The following RBPMS variants were observed in gnomAD, a reference collection of about 807,000 sequenced individuals.
RBPMS encodes RNA-binding protein with multiple splicing.
Under a neutral mutation model 26.8 loss-of-function variants are expected in RBPMS, and 7 were observed. The ratio of observed to expected loss-of-function variants is 0.26; its 90% CI spans 0.15 to 0.49. The LOEUF is 0.49. RBPMS is among the 20% of genes least tolerant of loss of function. RBPMS has a pLI of 0.98. For synonymous variants in RBPMS, 96 were observed against 93.3 expected, an observed-to-expected ratio of 1.03 and a Z score of -0.17; for missense variants, 186 against 250.0, an observed-to-expected ratio of 0.74 and a Z score of 1.73.
chr8:30,432,151 T>A (rs2979471), intron 1 of RBPMS, among the ~76,000 whole-genome samples: 62,304 of 151,938 alleles, frequency 0.41, 14,583 homozygotes, highest in African/African-American at 0.64. Flanking sequence ...ACAAATTTTA[T>A]TTTGACATTT....
chr8:30,385,421 G>T, intron 1 of RBPMS: 1 of 335,508 alleles, frequency 3.0e-6, no homozygotes, highest in Non-Finnish European at 5.4e-6. Flanking sequence ...TGTTTGCCCG[G>T]GATTTATAAG....
chr8:30,478,607 C>T (rs1273242680), intron 3 of RBPMS, among the ~76,000 whole-genome samples: 5 of 151,230 alleles, frequency 3.3e-5, no homozygotes, highest in African/African-American at 1.2e-4. Flanking sequence ...TCAAGTGATT[C>T]TCCTGCCTCA....
intron 1 of RBPMS, among the ~76,000 whole-genome samples, chr8:30,455,255 G>A (rs1815065501): frequency 6.6e-6 from 1 of 152,186 alleles, no homozygotes; most frequent in Admixed American, 6.5e-5. Flanking sequence ...ATACTACCCA[G>A]TTAGGGCTTT....
intron 6 of RBPMS, chr8:30,547,275 T>A (rs78195467): frequency 7.2e-7 from 1 of 1,388,084 alleles, no homozygotes; most frequent in Non-Finnish European, 1.0e-6. Flanking sequence ...GAGACATGGA[T>A]TTTTTTTTTC....
intron 6 of RBPMS, chr8:30,545,178 A>G (rs1328926811): frequency 7.7e-7 from 1 of 1,296,694 alleles, no homozygotes; most frequent in Non-Finnish European, 1.0e-6. Flanking sequence ...CCCTGTAGAA[A>G]AGGAGATACA....
chr8:30,549,620 A>G, intron 6 of RBPMS: 1 of 1,542,576 alleles, frequency 6.5e-7, no homozygotes, highest in Non-Finnish European at 9.0e-7. Flanking sequence ...CTTAGCTCTC[A>G]CAGGAGGAGG....
intron 6 of RBPMS, chr8:30,556,617 C>T: frequency 1.0e-6 from 1 of 986,310 alleles, no homozygotes; most frequent in Non-Finnish European, 1.2e-6. Context: ...TCCACACTGA[C>T]CCAGTGCACA....
intron 6 of RBPMS, among the ~76,000 whole-genome samples, chr8:30,549,835 CTTT>C (rs1826204858): frequency 8.9e-6 from 1 of 112,716 alleles, no homozygotes; most frequent in African/African-American, 3.6e-5. Flanking sequence ...TCTTTTCTTT[CTTT>C]TCTTTCTTTT....
At chr8:30,385,509 A>C in intron 1 of RBPMS, 1 of 194,626 alleles carries the variant, frequency 5.1e-6, no homozygotes, top group East Asian at 1.2e-4. Flanking sequence ...GGGGCTGGAA[A>C]TTGTGTATGG....
At chr8:30,514,680 CTTTT>C (rs577244764) in intron 5 of RBPMS, among the ~76,000 whole-genome samples, 7 of 82,650 alleles carry the variant, frequency 8.5e-5, no homozygotes, top group African/African-American at 2.6e-4. Flanking sequence ...CCATGCCGGG[CTTTT>C]TTTTTTTTTT....
chr8:30,566,119 A>G (rs1295248711), intron 7 of RBPMS, 138 bp from the exon 8 acceptor site: 1 of 220,292 alleles, frequency 4.5e-6, no homozygotes, highest in Non-Finnish European at 7.7e-6. Context: ...TCCTCAGCTC[A>G]GCAGCAGAGG....
At chr8:30,437,249 G>T (rs1038511661) in intron 1 of RBPMS, among the ~76,000 whole-genome samples, 1 of 151,636 alleles carries the variant, frequency 6.6e-6, no homozygotes, top group Non-Finnish European at 1.5e-5. Flanking sequence ...ACCTAGATTT[G>T]TTGGGATTAT....
chr8:30,539,708 C>T (rs937134735), intron 5 of RBPMS, among the ~76,000 whole-genome samples: 1 of 151,326 alleles, frequency 6.6e-6, no homozygotes, highest in African/African-American at 2.4e-5. Flanking sequence ...TCACTGCAAT[C>T]TGCACCTCCC....
At chr8:30,413,096 T>C (rs1809641154) in intron 1 of RBPMS, among the ~76,000 whole-genome samples, 1 of 152,236 alleles carries the variant, frequency 6.6e-6, no homozygotes, top group Non-Finnish European at 1.5e-5. Context: ...TTGTTTGTTT[T>C]GAGGCAGAGC....
intron 1 of RBPMS, among the ~76,000 whole-genome samples, chr8:30,470,459 T>C (rs1816969744): frequency 6.6e-6 from 1 of 152,198 alleles, no homozygotes; most frequent in Non-Finnish European, 1.5e-5. Context: ...AGCTATTTTT[T>C]CCATTCATTA....
chr8:30,443,309 T>C (rs949091461), intron 1 of RBPMS, among the ~76,000 whole-genome samples: 1 of 152,200 alleles, frequency 6.6e-6, no homozygotes, highest in East Asian at 1.9e-4. Context: ...TTTTGGTAAT[T>C]ATGGCTAAAA....
At chr8:30,507,401 A>C (rs1031876143) in intron 5 of RBPMS, among the ~76,000 whole-genome samples, 26 of 152,212 alleles carry the variant, frequency 1.7e-4, no homozygotes, top group African/African-American at 6.3e-4. Flanking sequence ...GGCAAACGTA[A>C]AGTACAATCA....
chr8:30,469,418 G>A (rs1460695018), intron 1 of RBPMS, among the ~76,000 whole-genome samples: 2 of 152,260 alleles, frequency 1.3e-5, no homozygotes, highest in African/African-American at 4.8e-5. Flanking sequence ...AGCCTCTGCA[G>A]GAATGCTGGA....
At chr8:30,415,154 A>C (rs1317606382) in intron 1 of RBPMS, among the ~76,000 whole-genome samples, 2 of 151,938 alleles carry the variant, frequency 1.3e-5, no homozygotes, top group Non-Finnish European at 2.9e-5. Flanking sequence ...CCTCCTCTCT[A>C]GGAGTCACAG....
Sources: allele counts gnomAD v4.1 joint callset (sites outside exome capture counted in the v4.1 genomes callset), GRCh38; gene constraint gnomAD v4.1.1; transcripts MANE v1.5; gene names NCBI Gene and HGNC (gene_info 2026-07-23, HGNC 2026-07-21).